The following RAI14 variants were observed in gnomAD, a reference collection of about 807,000 sequenced individuals.
The protein encoded by RAI14 is ankycorbin.
In RAI14, 45 loss-of-function variants were observed where a neutral mutation model predicts 115.4. The observed-to-expected ratio is 0.39, with a 90% CI of 0.31 to 0.50. The LOEUF is 0.50. Among genes scored for constraint, RAI14 ranks in the 20% least tolerant of loss-of-function variants. The probability of loss-of-function intolerance (pLI) is 0.85; values close to 1 mark genes in which losing one functional copy is unlikely to be tolerated. For missense variants in RAI14, 939 were observed against 1,131.2 expected, an observed-to-expected ratio of 0.83 and a Z score of 2.44; for synonymous variants, 371 against 415.4, an observed-to-expected ratio of 0.89 and a Z score of 1.30.
At chr5:34,807,738 G>C in intron 5 of RAI14, 62 bp from the exon 6 acceptor site, 1 of 1,277,716 alleles carries the variant, frequency 7.8e-7, no homozygotes, top group Non-Finnish European at 1.1e-6. Context: ...GGAAAAGTCT[G>C]AACTGAATAG....
intron 2 of RAI14, among the ~76,000 whole-genome samples, chr5:34,742,410 A>G (rs943629002): frequency 6.6e-6 from 1 of 152,226 alleles, no homozygotes; most frequent in Non-Finnish European, 1.5e-5. Flanking sequence ...GGCCGACAGT[A>G]GAATCGTAGG....
In RAI14 at chr5:34,823,937, C is replaced by G. The variant is rs1308447139; in HGVS notation, c.2095C>G (p.Leu699Val). The G allele has an allele frequency of 1.9e-6, 3 of 1,614,166 alleles. No individual in the cohort carries two copies. In the South Asian group the frequency reaches 3.3e-5, roughly 18 times the overall value. ...NVSRAKAEDA[L>V]SEMKSQYSKV... ...GTCCAGGGCTAAAGCAGAAGATGCACTGTCTGAAATGAAGTCTCAGTATTC... is the reference window on the plus strand; with the variant it reads ...GTCCAGGGCTAAAGCAGAAGATGCAGTGTCTGAAATGAAGTCTCAGTATTC... Residue 699 changes from leucine to valine, a missense_variant, in exon 15 of 18, where the codon CTG becomes GTG. Leu to Val is a conservative substitution (Grantham distance 32). Coordinates refer to ENST00000265109, the MANE Select transcript of RAI14 (RefSeq NM_015577.3). This position sits in a 1 kb window ranked among gnomAD's most constrained non-coding sequence, Gnocchi z 4.5.
chr5:34,808,968 G>C (rs559748233), intron 7 of RAI14, among the ~76,000 whole-genome samples: 5 of 152,280 alleles, frequency 3.3e-5, no homozygotes, highest in Non-Finnish European at 7.4e-5. Flanking sequence ...TCACTCGCCT[G>C]CCACTTACTC....
intron 3 of RAI14, among the ~76,000 whole-genome samples, chr5:34,772,372 C>T (rs574390719): frequency 4.3e-4 from 65 of 152,246 alleles, no homozygotes; most frequent in Non-Finnish European, 8.7e-4. Context: ...TGGTTTTTGC[C>T]ATACTTTTAA....
rs183259933 is a variant in RAI14, at chr5:34,823,031, T to C, written c.1189T>C (p.Ser397Pro). 15 of 1,613,976 alleles carry C rather than the reference T, an allele frequency of 9.3e-6. No individual in the cohort carries two copies. Among genetic ancestry groups the C allele is most frequent in the Non-Finnish European group, 3.4e-6 (4 of 1,179,920 alleles). The change falls in exon 15 of 18, where the codon TCC becomes CCC. Residue 397 changes from serine (S) to proline (P), a missense_variant. Physicochemically the swap from Ser to Pro is moderately conservative, Grantham distance 74. Transcript: ENST00000265109. The surrounding 1 kb of genome is among the most constrained non-coding windows in gnomAD (Gnocchi z 4.5). The part of the protein sequence containing the change: ...YHSTQTDLGP[S>P]LGKPGETSPP... ...TTCCACCCAAACTGACTTGGGCCCA[T>C]CCCTGGGAAAACCTGGTGAAACCTC...
At position 34,823,405 on chromosome 5, in the gene RAI14, T is replaced by C; in HGVS notation, c.1563T>C (p.His521=). 1.2e-6 allele frequency: 2 copies of C among 1,614,064 alleles called. No individual in the cohort carries two copies. Among genetic ancestry groups the C allele is most frequent in the Non-Finnish European group, 1.7e-6 (2 of 1,180,008 alleles). ...VSPESMDNYS[H]FHELRVTEEE... ...CTGAAAGCATGGATAATTATTCACA[T>C]TTCCACGAGCTGAGGGTCACGGAAG... The change falls in exon 15 of 18, where the codon CAT becomes CAC. Residue 521 remains histidine (H), a synonymous_variant. Transcript: ENST00000265109. The surrounding 1 kb of genome is among the most constrained non-coding windows in gnomAD (Gnocchi z 4.5).
Position 34,827,421 on chromosome 5 carries a change from GT to G in RAI14, c.2799+944del. On this transcript the variant is annotated intron_variant, in intron 16 of 17. Transcript: ENST00000265109. This position sits in a 1 kb window ranked among gnomAD's most constrained non-coding sequence, Gnocchi z 4.2. ...CATTATTTAGCTTACCACAATATCT[GT>G]TAAGGTTTGAGTTGGCATGGGTACA... Among the ~76,000 whole-genome samples the G allele has an allele frequency of 6.6e-6, 1 of 152,330 alleles. No individual in the cohort carries two copies. Among genetic ancestry groups the G allele is most frequent in the Admixed American group, 6.5e-5 (1 of 15,306 alleles).
intron 3 of RAI14, among the ~76,000 whole-genome samples, chr5:34,794,838 G>A (rs778175770): frequency 3.3e-5 from 5 of 152,254 alleles, no homozygotes; most frequent in African/African-American, 7.2e-5. Flanking sequence ...ATCAGCTATC[G>A]GACTTTCCAG....
chr5:34,786,007 AG>A (rs1752249669), intron 3 of RAI14, among the ~76,000 whole-genome samples: 1 of 152,316 alleles, frequency 6.6e-6, no homozygotes, highest in South Asian at 2.1e-4. Flanking sequence ...GACCTTTTGC[AG>A]GGTTCCCGAG....
chr5:34,763,881 C>T (rs139591831), intron 3 of RAI14, among the ~76,000 whole-genome samples: 246 of 152,264 alleles, frequency 1.6e-3, no homozygotes, highest in African/African-American at 5.6e-3. Flanking sequence ...TTTTTTGAGA[C>T]GGAGTCTTGC....
At chr5:34,805,724 C>A (rs144443405) in intron 5 of RAI14, among the ~76,000 whole-genome samples, 1 of 152,056 alleles carries the variant, frequency 6.6e-6, no homozygotes, top group Non-Finnish European at 1.5e-5. Flanking sequence ...GCCTGTAATC[C>A]CAGCTACTCG....
chr5:34,823,071 A>G lies in RAI14; in HGVS notation c.1229A>G (p.Lys410Arg), dbSNP rs139982390. 20 of 1,612,624 alleles carry G rather than the reference A, an allele frequency of 1.2e-5. No homozygotes were observed. Among genetic ancestry groups the G allele is most frequent in the Non-Finnish European group, 1.7e-5 (20 of 1,178,818 alleles). Reference protein sequence around the residue: ...KPGETSPPDSKSSPSVLIHSL... With the variant: ...KPGETSPPDSRSSPSVLIHSL... The stretch of plus-strand genomic sequence containing the variant: ...GGTGAAACCTCTCCCCCAGACTCCA[A>G]ATCATCTCCATCTGTCTTAATACAT... The change falls in exon 15 of 18, where the codon AAA (lysine) becomes AGA (arginine). Residue 410 changes from lysine to arginine, a missense_variant. By Grantham distance (26) the Lys-to-Arg change is conservative (BLOSUM62 2). Transcript: ENST00000265109. The surrounding 1 kb of genome is among the most constrained non-coding windows in gnomAD (Gnocchi z 4.5).
At chr5:34,830,536 A>G (rs1232266536) in intron 17 of RAI14, 152 bp from the exon 18 acceptor site, 1 of 1,360,660 alleles carries the variant, frequency 7.3e-7, no homozygotes, top group Non-Finnish European at 9.8e-7. Flanking sequence ...AGTTCCTCAT[A>G]GAAATTTGGG....
intron 2 of RAI14, among the ~76,000 whole-genome samples, chr5:34,696,365 T>C (rs1321388664): frequency 6.6e-6 from 1 of 152,038 alleles, no homozygotes; most frequent in African/African-American, 2.4e-5. Flanking sequence ...CTCGATCTCC[T>C]GACCTCATGA....
At position 34,822,250 on chromosome 5, in the gene RAI14, GTATATA is replaced by G. The variant is rs376790121; in HGVS notation, c.1113+419_1113+424del. On this transcript the variant is annotated intron_variant, in intron 14 of 17. Transcript: ENST00000265109. ...TTAAATTATATATGTATGTGTGTAT[GTATATA>G]TATATATATATATATATAAAATATT... Among the ~76,000 whole-genome samples the G allele has an allele frequency of 1.7e-3, 227 of 134,732 alleles. 1 individual carries two copies. The highest frequency in any genetic ancestry group is 5.9e-3 in the African/African-American group (209 of 35,720). 88.4% of individuals were successfully genotyped at this position (134,732 alleles called of 152,430 possible).
At chr5:34,780,002 A>ACTGGTACCAAAACAGCACG (rs1751404909) in intron 3 of RAI14, among the ~76,000 whole-genome samples, 1 of 152,156 alleles carries the variant, frequency 6.6e-6, no homozygotes, top group African/African-American at 2.4e-5. Context: ...AAAACAGCAC[A>ACTGGTACCAAAACAGCACG]GTACTGGTAC....
chr5:34,813,718 G>T (rs1216159798), intron 11 of RAI14, 58 bp downstream of exon 11: 1 of 1,429,024 alleles, frequency 7.0e-7, no homozygotes, highest in Non-Finnish European at 9.7e-7. Context: ...CCATAAATTT[G>T]TCATTTTGTT....
At chr5:34,824,946 CAAAAAA>C in intron 15 of RAI14, among the ~76,000 whole-genome samples, 1 of 66,554 alleles carries the variant, frequency 1.5e-5, no homozygotes, top group South Asian at 5.5e-4. Context: ...GACTTCATCT[CAAAAAA>C]AAAAAAAAAA....
chr5:34,805,724 C>G (rs144443405), intron 5 of RAI14, among the ~76,000 whole-genome samples: 7,243 of 152,040 alleles, frequency 0.048, 569 homozygotes, highest in African/African-American at 0.16. Context: ...GCCTGTAATC[C>G]CAGCTACTCG....
Sources: allele counts gnomAD v4.1 joint callset (sites outside exome capture counted in the v4.1 genomes callset), GRCh38; gene constraint gnomAD v4.1.1; non-coding constraint Gnocchi (gnomAD v3.1); transcripts MANE v1.5; gene names NCBI Gene and HGNC (gene_info 2026-07-23, HGNC 2026-07-21).